Variants in TRPM2 observed in about 807,000 individuals in gnomAD.
TRPM2 encodes the protein transient receptor potential cation channel subfamily M member 2, also known as estrogen-responsive element-associated gene 1 protein.
In TRPM2, 161 loss-of-function variants were observed where a neutral mutation model predicts 174.0. The observed-to-expected ratio is 0.93, with a 90% confidence interval of 0.81 to 1.05. The LOEUF is 1.05. TRPM2 is among the 50% of genes least tolerant of loss of function. TRPM2 has a pLI of 0.00. For missense variants in TRPM2, 2,057 were observed against 2,038.0 expected, an observed-to-expected ratio of 1.01 and a Z score of -0.18; for synonymous variants, 954 against 861.3, an observed-to-expected ratio of 1.11 and a Z score of -1.88.
chr21:44,408,675 T>TC (rs1569081638), intron 19 of TRPM2, among the ~76,000 whole-genome samples: 5 of 96,966 alleles, frequency 5.2e-5, no homozygotes, highest in African/African-American at 1.8e-4. Flanking sequence ...TTTTTTTTTT[T>TC]CCGACAGGGT....
rs769293206 is a variant in TRPM2 at position 44,377,760 on chromosome 21, C to T, written c.1001C>T (p.Pro334Leu). The T allele has an allele frequency of 1.5e-5, 24 of 1,613,994 alleles. No individual in the cohort carries two copies. Among genetic ancestry groups the T allele is most frequent in the Middle Eastern group, 1.6e-4 (1 of 6,066 alleles). ...GTGTGCGTGGTGCTGGAGGGCGGCC[C>T]GGGCACGTTGCACGTGAGTATGGCC... ...PIVCVVLEGG[P>L]GTLHTIDNAT... The change falls in exon 7 of 32, where the codon CCG (proline) becomes CTG (leucine). Residue 334 changes from proline (P) to leucine (L), a missense_variant. Physicochemically the swap from Pro to Leu is moderately conservative, Grantham distance 98. Transcript: ENST00000397928.
intron 9 of TRPM2, among the ~76,000 whole-genome samples, chr21:44,387,702 A>G (rs1194240628): frequency 6.7e-6 from 1 of 148,800 alleles, no homozygotes; most frequent in Non-Finnish European, 1.5e-5. Context: ...ACTCAACAAT[A>G]AAAAAAAAAC....
chr21:44,397,794 G>A lies in TRPM2; in HGVS notation c.1980G>A (p.Lys660=). The change falls in exon 13 of 32, where the codon AAG becomes AAA. Residue 660 remains lysine, a synonymous_variant. Coordinates refer to ENST00000397928, the MANE Select transcript of TRPM2 (RefSeq NM_003307.4). ...AAALACSKIL[K]ELSKEEEDTD... ...CCTTGGCCTGCAGCAAGATCCTGAA[G>A]GAACTGTCCAAGGAGGAGGAGGACA... 6.2e-7 allele frequency: 1 copy of A among 1,603,520 alleles called. No homozygotes were observed. Among genetic ancestry groups the A allele is most frequent in the Non-Finnish European group, 8.5e-7 (1 of 1,175,292 alleles).
At chr21:44,436,316 C>T (rs2051263861) in intron 28 of TRPM2, among the ~76,000 whole-genome samples, 1 of 152,156 alleles carries the variant, frequency 6.6e-6, no homozygotes, top group African/African-American at 2.4e-5. Context: ...TCTGCCTCCA[C>T]AGCTGGGACC....
chr21:44,417,916 C>T lies in TRPM2; in HGVS notation c.3147-11C>T. 6.2e-7 allele frequency: 1 copy of T among 1,607,282 alleles called. No individual in the cohort carries two copies. Among genetic ancestry groups the T allele is most frequent in the Non-Finnish European group, 8.5e-7 (1 of 1,177,002 alleles). On this transcript the variant is annotated splice_polypyrimidine_tract_variant and intron_variant, in intron 20 of 31. Transcript: ENST00000397928. ...CCTGACCTCGAGGTGTTGCTTTCTCCTCCCTGACAGCTACACCTTCCAGCA... is the reference window on the plus strand; with the variant it reads ...CCTGACCTCGAGGTGTTGCTTTCTCTTCCCTGACAGCTACACCTTCCAGCA...
chr21:44,402,476 C>T (rs2049654555), intron 16 of TRPM2, among the ~76,000 whole-genome samples: 1 of 152,188 alleles, frequency 6.6e-6, no homozygotes, highest in Non-Finnish European at 1.5e-5. Context: ...GGCACGTCCC[C>T]AGAGAGGCTC....
rs1245434909 is a variant in TRPM2 at position 44,440,649 on chromosome 21, G to A, written c.4270-140G>A. On this transcript the variant is annotated intron_variant, in intron 30 of 31. Transcript: ENST00000397928. ...CTTGCAGGCCCAGGCAGGCTGGCGG[G>A]GGCTGGGGAGAGCTGGGCCGGGGTC... is the stretch of plus-strand genomic sequence containing the variant. 5.4e-6 allele frequency: 4 copies of A among 745,770 alleles called. No homozygotes were observed. In the East Asian group the frequency reaches 1.0e-4, roughly 19 times the overall value. The allele number at this position is 745,770 out of a possible 1,614,324, so 46.2% of individuals were successfully genotyped here. A position where few individuals can be genotyped will look rare whatever the true frequency, so the allele number is the denominator to read the frequency against.
chr21:44,408,931 C>T (rs9977772), intron 19 of TRPM2, among the ~76,000 whole-genome samples: 1 of 152,138 alleles, frequency 6.6e-6, no homozygotes, highest in Non-Finnish European at 1.5e-5. Flanking sequence ...GCTGGCATTA[C>T]AGGCATAAGC....
At chr21:44,418,595 G>A in intron 22 of TRPM2, 40 bp downstream of exon 22, 1 of 1,610,882 alleles carries the variant, frequency 6.2e-7, no homozygotes. Flanking sequence ...GGAAGCCTCT[G>A]GGGGACCTCC....
intron 11 of TRPM2, among the ~76,000 whole-genome samples, chr21:44,395,118 C>G (rs1395436770): frequency 2.6e-5 from 4 of 152,236 alleles, no homozygotes; most frequent in African/African-American, 9.6e-5. Context: ...TTGATGCCAT[C>G]AGATAAGACT....
intron 16 of TRPM2, among the ~76,000 whole-genome samples, chr21:44,403,375 G>A (rs2049696647): frequency 6.6e-6 from 1 of 152,192 alleles, no homozygotes; most frequent in Non-Finnish European, 1.5e-5. Context: ...CTCTTGGCCT[G>A]CTAAAGAAAC....
chr21:44,425,646 T>A, intron 24 of TRPM2, 24 bp from the exon 25 acceptor site: 1 of 1,474,380 alleles, frequency 6.8e-7, no homozygotes, highest in Non-Finnish European at 9.1e-7. Context: ...CCGCCTTGCG[T>A]CACGTCTTCC....
chr21:44,386,825 ACT>A (rs1440972247), intron 9 of TRPM2, among the ~76,000 whole-genome samples: 1 of 152,162 alleles, frequency 6.6e-6, no homozygotes, highest in Admixed American at 6.5e-5. Flanking sequence ...AAGCTGGAAG[ACT>A]CACACTTTCT....
At chr21:44,360,837 GA>G (rs2146130040) in intron 2 of TRPM2, among the ~76,000 whole-genome samples, 1 of 152,246 alleles carries the variant, frequency 6.6e-6, no homozygotes, top group African/African-American at 2.4e-5. Flanking sequence ...AAAGTGCTGG[GA>G]TTACAGGTGT....
intron 19 of TRPM2, among the ~76,000 whole-genome samples, chr21:44,407,086 C>A (rs969875354): frequency 1.4e-5 from 2 of 147,240 alleles, no homozygotes; most frequent in African/African-American, 2.5e-5. Flanking sequence ...TTCCCTCTCA[C>A]CTCAATCAGA....
intron 15 of TRPM2, among the ~76,000 whole-genome samples, chr21:44,400,812 G>A (rs2049592650): frequency 6.6e-6 from 1 of 152,220 alleles, no homozygotes; most frequent in Non-Finnish European, 1.5e-5. Context: ...TGAAGGAGGA[G>A]GACACGGCTG....
At chr21:44,386,548 G>A (rs1340291581) in intron 9 of TRPM2, among the ~76,000 whole-genome samples, 1 of 152,136 alleles carries the variant, frequency 6.6e-6, no homozygotes, top group Admixed American at 6.6e-5. Context: ...GGGGGTGAAA[G>A]ACTTGTACAA....
intron 27 of TRPM2, among the ~76,000 whole-genome samples, chr21:44,431,950 C>CTAACCT (rs2051040383): frequency 2.6e-5 from 4 of 152,284 alleles, no homozygotes; most frequent in African/African-American, 9.6e-5. Flanking sequence ...CACCTAACCC[C>CTAACCT]TAACCTTAAC....
chr21:44,433,394 C>T (rs1190514471), intron 27 of TRPM2, among the ~76,000 whole-genome samples: 1 of 152,262 alleles, frequency 6.6e-6, no homozygotes, highest in African/African-American at 2.4e-5. Context: ...AGCAGCACGA[C>T]CTCTGCCTTC....
Sources: allele counts gnomAD v4.1 joint callset (sites outside exome capture counted in the v4.1 genomes callset), GRCh38; gene constraint gnomAD v4.1.1; transcripts MANE v1.5; gene names NCBI Gene and HGNC (gene_info 2026-07-23, HGNC 2026-07-21).